Variants in WNK3 observed in about 807,000 individuals in gnomAD.
WNK3 encodes WNK lysine deficient protein kinase 3, also known as serine/threonine-protein kinase WNK3.
Under a neutral mutation model 116.7 loss-of-function variants are expected in WNK3, and 18 were observed. That is an observed-to-expected ratio of 0.15 (90% CI 0.11 to 0.23). The LOEUF is 0.23. Among genes scored for constraint, WNK3 ranks in the 10% least tolerant of loss-of-function variants. WNK3 has a pLI of 1.00. For missense variants in WNK3, 993 were observed against 1,323.8 expected (o/e 0.75, Z 3.88); for synonymous variants, 404 against 469.4 (o/e 0.86, Z 1.80).
At chrX:54,209,960 A>G (rs57247480) in intron 22 of WNK3, among the ~76,000 whole-genome samples, 1 of 111,956 alleles carries the variant, frequency 8.9e-6, no homozygotes, top group East Asian at 2.8e-4. Flanking sequence ...AAAGGACCTA[A>G]GAAATTCTAC....
chrX:54,214,985 C>T (rs2067667062), intron 22 of WNK3, among the ~76,000 whole-genome samples: 1 of 108,557 alleles, frequency 9.2e-6, no homozygotes, highest in South Asian at 4.1e-4. Flanking sequence ...TACGTGGTGG[C>T]GGGTGCCTAT....
chrX:54,297,470 G>C (rs1344285430), intron 7 of WNK3, among the ~76,000 whole-genome samples: 1 of 108,853 alleles, frequency 9.2e-6, no homozygotes, highest in African/African-American at 3.4e-5. Context: ...CCAGCAACTC[G>C]GGAGGCTGAG....
At chrX:54,213,421 G>T (rs976972005) in intron 22 of WNK3, among the ~76,000 whole-genome samples, 1 of 107,668 alleles carries the variant, frequency 9.3e-6, no homozygotes, top group Non-Finnish European at 1.9e-5. Flanking sequence ...GGGCGAAGTG[G>T]TGGGCGCCTG....
intron 1 of WNK3, among the ~76,000 whole-genome samples, chrX:54,339,127 T>C: frequency 9.1e-6 from 1 of 110,434 alleles, no homozygotes; most frequent in Non-Finnish European, 1.9e-5. Flanking sequence ...TTTACGTGGA[T>C]AAAAGTTAAT....
chrX:54,275,249 G>C (rs1557160379), intron 10 of WNK3, among the ~76,000 whole-genome samples: 1 of 109,865 alleles, frequency 9.1e-6, no homozygotes, highest in East Asian at 2.9e-4. Context: ...CTGGGAGGCG[G>C]AGGTTGCAGT....
intron 7 of WNK3, among the ~76,000 whole-genome samples, chrX:54,295,820 TG>T (rs1466269993): frequency 9.0e-6 from 1 of 111,308 alleles, no homozygotes; most frequent in African/African-American, 3.3e-5. Context: ...CCCGAGTAGC[TG>T]GGATCACAGG....
intron 1 of WNK3, among the ~76,000 whole-genome samples, chrX:54,338,974 C>G (rs1557175939): frequency 9.7e-6 from 1 of 103,343 alleles, no homozygotes; most frequent in East Asian, 3.0e-4. Context: ...TGCACTCCAG[C>G]CTGGGTGACA....
intron 10 of WNK3, among the ~76,000 whole-genome samples, chrX:54,277,061 G>C (rs782708462): frequency 9.0e-6 from 1 of 111,160 alleles, no homozygotes; most frequent in Non-Finnish European, 1.9e-5. Flanking sequence ...AGGTAATAGA[G>C]GGTAACTACC....
chrX:54,236,130 C>T (rs1381756668), intron 20 of WNK3, among the ~76,000 whole-genome samples: 5 of 110,448 alleles, frequency 4.5e-5, no homozygotes, highest in East Asian at 5.6e-4. Flanking sequence ...TTTTTTTAGA[C>T]GGAGTCTTGC....
At chrX:54,227,385 G>GA (rs1391584816) in intron 22 of WNK3, among the ~76,000 whole-genome samples, 1 of 111,387 alleles carries the variant, frequency 9.0e-6, no homozygotes, top group East Asian at 2.8e-4. Flanking sequence ...ATCTTCTTTA[G>GA]AAAAATGCCT....
rs782702160 is a variant in WNK3 at position 54,200,940 on chromosome X, G to A, written c.5073+1051C>T. The stretch of plus-strand genomic sequence containing the variant: ...ATACTGCTCACTAGCTTGGGAAATC[G>A]AGGATTTTGAAAATTTTTATTCAAT... On this transcript the variant is annotated intron_variant, in intron 23 of 23. Transcript: ENST00000354646. Among the ~76,000 whole-genome samples, 10 of 111,786 alleles carry A rather than the reference G, an allele frequency of 8.9e-5. No homozygotes were observed. In the East Asian group the frequency reaches 1.1e-3, roughly 12 times the overall value.
At chrX:54,222,689 C>T (rs919058905) in intron 22 of WNK3, among the ~76,000 whole-genome samples, 21 of 107,773 alleles carry the variant, frequency 1.9e-4, no homozygotes, top group Non-Finnish European at 3.1e-4. Context: ...CCAACCTGGC[C>T]GATGTGGCAA....
intron 10 of WNK3, among the ~76,000 whole-genome samples, chrX:54,280,304 A>T (rs2068501409): frequency 9.0e-6 from 1 of 111,147 alleles, no homozygotes; most frequent in Non-Finnish European, 1.9e-5. Context: ...CTCAAAAAAA[A>T]AAAAAATATA....
intron 21 of WNK3, among the ~76,000 whole-genome samples, chrX:54,231,673 T>A (rs2067899888): frequency 8.9e-6 from 1 of 112,091 alleles, no homozygotes; most frequent in African/African-American, 3.2e-5. Flanking sequence ...CAGGATAATC[T>A]CCCTATCTTA....
At chrX:54,193,229 G>T (rs2067415505) in exon 24 of WNK3, 1 of 111,107 alleles carries the variant, frequency 9.0e-6, no homozygotes, top group Admixed American at 9.7e-5. Flanking sequence ...GCTGCACTAG[G>T]TCTACATGCT....
intron 17 of WNK3, among the ~76,000 whole-genome samples, chrX:54,247,489 T>C (rs1478043945): frequency 9.1e-6 from 1 of 110,139 alleles, no homozygotes; most frequent in Non-Finnish European, 1.9e-5. Flanking sequence ...TATATGTATA[T>C]AAATATTAAC....
chrX:54,322,431 T>C (rs2069049567), intron 2 of WNK3, among the ~76,000 whole-genome samples: 1 of 111,870 alleles, frequency 8.9e-6, no homozygotes, highest in Non-Finnish European at 1.9e-5. Context: ...GACCATCTAA[T>C]CACGAAACTA....
intron 1 of WNK3, among the ~76,000 whole-genome samples, chrX:54,344,456 A>AT (rs1227748765): frequency 9.0e-6 from 1 of 111,278 alleles, no homozygotes; most frequent in Non-Finnish European, 1.9e-5. Flanking sequence ...AAAAAAAAAA[A>AT]GAAAAAGCAA....
rs930725680 is a variant in WNK3, at chrX:54,321,046, G to A, written c.538-9755C>T. 3.7e-5 allele frequency among the ~76,000 whole-genome samples: 4 copies of A among 109,373 alleles called. No individual in the cohort carries two copies. The East Asian group carries it at 8.6e-4, about 24-fold the overall frequency. 95.0% of individuals were successfully genotyped at this position (109,373 alleles called of 115,157 possible). ...TGAGTAGCTGGGATTACAGGCATGC[G>A]CCACCATGCGCCGCTAATTTTGGTA... is the stretch of plus-strand genomic sequence containing the variant. On this transcript the variant is annotated intron_variant, in intron 2 of 23. Transcript: ENST00000354646.
Sources: allele counts gnomAD v4.1 joint callset (sites outside exome capture counted in the v4.1 genomes callset), GRCh38; gene constraint gnomAD v4.1.1; transcripts MANE v1.5; gene names NCBI Gene and HGNC (gene_info 2026-07-23, HGNC 2026-07-21).